FGL2: variants seen among roughly 807,000 people sequenced by gnomAD.
FGL2 encodes fibroleukin.
In FGL2, 21 loss-of-function variants were observed where a neutral mutation model predicts 36.0. That is an observed-to-expected ratio of 0.58 (90% CI 0.41 to 0.84). The LOEUF is 0.84. FGL2 is among the 40% of genes least tolerant of loss of function. FGL2 has a pLI of 0.00. For synonymous variants in FGL2, 183 were observed against 190.7 expected, an observed-to-expected ratio of 0.96 and a Z score of 0.33; for missense variants, 444 against 526.3, an observed-to-expected ratio of 0.84 and a Z score of 1.53.
At position 77,196,574 on chromosome 7, in the gene FGL2, G is replaced by T. The variant is rs764464982; in HGVS notation, c.1025C>A (p.Ala342Glu). ...GTTGTAATGTTTGTTGAAACGTAAT[G>T]CATCTCCAGCTGTGCCATTATAGTT... Reference protein sequence around the residue: ...VGNYNGTAGDALRFNKHYNHD... With the variant: ...VGNYNGTAGDELRFNKHYNHD... Residue 342 changes from alanine (A) to glutamate (E), a missense_variant, in exon 2 of 2, where the codon GCA becomes GAA. By Grantham distance (107) the Ala-to-Glu change is moderately radical. Transcript: ENST00000248598. The surrounding 1 kb of genome is among the most constrained non-coding windows in gnomAD (Gnocchi z 4.2). 2 of 1,614,118 alleles carry T rather than the reference G, an allele frequency of 1.2e-6. No individual in the cohort carries two copies. Among genetic ancestry groups the T allele is most frequent in the South Asian group, 2.2e-5 (2 of 91,084 alleles).
At position 77,194,277 on chromosome 7, in the gene FGL2, A is replaced by T. The variant is rs1260712335; in HGVS notation, c.*2002T>A. ...TGTACATATATTAATTATATATACT[A>T]AATGACAATGACCTTATCTGAAACA... is the stretch of plus-strand genomic sequence containing the variant. On this transcript the variant is annotated 3_prime_UTR_variant, in exon 2 of 2. Coordinates refer to ENST00000248598, the MANE Select transcript of FGL2 (RefSeq NM_006682.3). 1 of 152,090 alleles carries T rather than the reference A, an allele frequency of 6.6e-6. No homozygotes were observed. Among genetic ancestry groups the T allele is most frequent in the Non-Finnish European group, 1.5e-5 (1 of 67,920 alleles). 9.4% of individuals were successfully genotyped at this position (152,090 alleles called of 1,614,324 possible).
At chr7:77,198,124 A>C in intron 1 of FGL2, 1 of 985,164 alleles carries the variant, frequency 1.0e-6, no homozygotes, top group Non-Finnish European at 1.2e-6. Context: ...GATGTCACCT[A>C]AGCGGTGAAC....
intron 1 of FGL2, 81 bp from the exon 2 acceptor site, chr7:77,197,066 C>G (rs1791886972): frequency 1.3e-5 from 11 of 867,586 alleles, no homozygotes; most frequent in Non-Finnish European, 2.0e-5. Flanking sequence ...TGTACAAAAG[C>G]AGTTTGATAA....
chr7:77,198,359 G>C (rs1791914998), intron 1 of FGL2: 3 of 977,368 alleles, frequency 3.1e-6, no homozygotes, highest in Non-Finnish European at 3.6e-6. Flanking sequence ...TCCAAAGTAT[G>C]AGACAGTCAG....
rs902908929 is a variant in FGL2, at chr7:77,194,134, C to A, written c.*2145G>T. On this transcript the variant is annotated 3_prime_UTR_variant, in exon 2 of 2. Transcript: ENST00000248598. Reference sequence around the variant, plus strand: ...TTAATGAATTATTTGCCAAATTCTCCTGAAGTTATACCTAGTTCCCATTAA... The same window carrying A: ...TTAATGAATTATTTGCCAAATTCTCATGAAGTTATACCTAGTTCCCATTAA... 6.6e-6 allele frequency: 1 copy of A among 152,018 alleles called. No homozygotes were observed. Among genetic ancestry groups the A allele is most frequent in the African/African-American group, 2.4e-5 (1 of 41,432 alleles). 9.4% of individuals were successfully genotyped at this position (152,018 alleles called of 1,614,324 possible).
At chr7:77,197,122 T>G (rs1257355065) in intron 1 of FGL2, 137 bp from the exon 2 acceptor site, 1 of 622,712 alleles carries the variant, frequency 1.6e-6, no homozygotes, top group African/African-American at 1.8e-5. Context: ...TACTTGAACC[T>G]GTTTAGCAAA....
At chr7:77,198,315 A>C (rs951674131) in intron 1 of FGL2, 1 of 985,284 alleles carries the variant, frequency 1.0e-6, no homozygotes, top group Non-Finnish European at 1.2e-6. Context: ...CCTCACGTTC[A>C]TGGTAAGTAG....
chr7:77,196,961 C>T lies in FGL2; in HGVS notation c.638G>A (p.Cys213Tyr), dbSNP rs1292216246. ...TTTGCCTATTGCGTAGTAGTCAGAGCAATCTTTATATATTAGATGTTGAAC... is the reference window on the plus strand; with the variant it reads ...TTTGCCTATTGCGTAGTAGTCAGAGTAATCTTTATATATTAGATGTTGAAC... ...RPVQHLIYKDCSDYYAIGKRS... is the reference protein window; with the variant it reads ...RPVQHLIYKDYSDYYAIGKRS... The change falls in exon 2 of 2, where the codon TGC becomes TAC. Residue 213 changes from cysteine to tyrosine, a missense_variant. Transcript: ENST00000248598. This position sits in a 1 kb window ranked among gnomAD's most constrained non-coding sequence, Gnocchi z 4.2. 6.2e-7 allele frequency: 1 copy of T among 1,608,314 alleles called. No individual in the cohort carries two copies. Among genetic ancestry groups the T allele is most frequent in the South Asian group, 1.1e-5 (1 of 90,844 alleles).
rs756621142 is a variant in FGL2, at chr7:77,199,315, T to C, written c.479A>G (p.Lys160Arg). 34 of 1,614,168 alleles carry C rather than the reference T, an allele frequency of 2.1e-5. No homozygotes were observed. In the Middle Eastern group the frequency reaches 4.9e-4, roughly 23 times the overall value. Residue 160 changes from lysine (K) to arginine (R), a missense_variant, in exon 1 of 2, where the codon AAG becomes AGG. Coordinates refer to ENST00000248598, the MANE Select transcript of FGL2 (RefSeq NM_006682.3). ...EINVLHGRLEKLNLVNMNNIE... is the reference protein window; with the variant it reads ...EINVLHGRLERLNLVNMNNIE... Reference sequence around the variant, plus strand: ...GTTGTTCATATTTACAAGATTCAGCTTCTCCAGGCGACCATGAAGTACATT... The same window carrying C: ...GTTGTTCATATTTACAAGATTCAGCCTCTCCAGGCGACCATGAAGTACATT...
rs1314001759 is a variant in FGL2, at chr7:77,193,772, C to G, written c.*2507G>C. 1 of 152,354 alleles carries G rather than the reference C, an allele frequency of 6.6e-6. No individual in the cohort carries two copies. Among genetic ancestry groups the G allele is most frequent in the Admixed American group, 6.6e-5 (1 of 15,260 alleles). The allele number at this position is 152,354 out of a possible 1,614,324, so 9.4% of individuals were successfully genotyped here. On this transcript the variant is annotated 3_prime_UTR_variant, in exon 2 of 2. Coordinates refer to ENST00000248598, the MANE Select transcript of FGL2 (RefSeq NM_006682.3). ...GTTTTAGTCAATATTTTCAAGTAATCATGACCTCAGAAATAGTCTTAATTA... is the reference window on the plus strand; with the variant it reads ...GTTTTAGTCAATATTTTCAAGTAATGATGACCTCAGAAATAGTCTTAATTA...
Position 77,199,163 on chromosome 7 carries a change from A to C in FGL2, c.613+18T>G. 6.3e-7 allele frequency: 1 copy of C among 1,597,536 alleles called. No individual in the cohort carries two copies. The highest frequency in any genetic ancestry group is 8.5e-7 in the Non-Finnish European group (1 of 1,171,180). ...TAACATTTATGAACATATGATAAGA[A>C]AACATTATTATACATACCTGGACGT... On this transcript the variant is annotated intron_variant, in intron 1 of 1. Transcript: ENST00000248598.
chr7:77,199,566 C>T lies in FGL2; in HGVS notation c.228G>A (p.Glu76=). ...IQLPKQFSRI[E]EVFKEVQNLK... ...GGTTTTGGACTTCTTTGAACACCTCCTCGATCCTGCTGAATTGCTTCGGGA... is the reference window on the plus strand; with the variant it reads ...GGTTTTGGACTTCTTTGAACACCTCTTCGATCCTGCTGAATTGCTTCGGGA... The change falls in exon 1 of 2, where the codon GAG becomes GAA. Residue 76 remains glutamate (E), a synonymous_variant. Transcript: ENST00000248598. 1 of 1,614,170 alleles carries T rather than the reference C, an allele frequency of 6.2e-7. No homozygotes were observed. Among genetic ancestry groups the T allele is most frequent in the Non-Finnish European group, 8.5e-7 (1 of 1,180,020 alleles).
chr7:77,199,475 C>T lies in FGL2; in HGVS notation c.319G>A (p.Gly107Arg), dbSNP rs202191037. 4.4e-4 allele frequency: 708 copies of T among 1,614,128 alleles called. 2 individuals carry two copies. Among genetic ancestry groups the T allele is most frequent in the Admixed American group, 4.5e-4 (27 of 60,010 alleles). Reference protein sequence around the residue: ...QDCKLQADDNGDPGRNGLLLP... With the variant: ...QDCKLQADDNRDPGRNGLLLP... The stretch of plus-strand genomic sequence containing the variant: ...AACAGTCCGTTTCTGCCTGGGTCTC[C>T]GTTGTCATCAGCCTGCAGCTTGCAG... Residue 107 changes from glycine to arginine, a missense_variant, in exon 1 of 2, where the codon GGA (glycine) becomes AGA (arginine). Coordinates refer to ENST00000248598, the MANE Select transcript of FGL2 (RefSeq NM_006682.3).
chr7:77,199,433 C>T lies in FGL2; in HGVS notation c.361G>A (p.Ala121Thr), dbSNP rs962390445. 1.4e-5 allele frequency: 23 copies of T among 1,614,192 alleles called. No homozygotes were observed. Among genetic ancestry groups the T allele is most frequent in the Non-Finnish European group, 1.8e-5 (21 of 1,180,036 alleles). ...RNGLLLPSTG[A>T]PGEVGDNRVR... The stretch of plus-strand genomic sequence containing the variant: ...CTGTTATCACCAACCTCTCCCGGGG[C>T]TCCTGTACTGGGTAACAACAGTCCG... Residue 121 changes from alanine (A) to threonine (T), a missense_variant, in exon 1 of 2, where the codon GCC becomes ACC. By Grantham distance (58) the Ala-to-Thr change is moderately conservative. Transcript: ENST00000248598.
In FGL2 at chr7:77,196,938, T is replaced by G. The variant is rs1164958623; in HGVS notation, c.661A>C (p.Lys221Gln). 2 of 1,613,428 alleles carry G rather than the reference T, an allele frequency of 1.2e-6. No homozygotes were observed. The highest frequency in any genetic ancestry group is 1.7e-6 in the Non-Finnish European group (2 of 1,179,840). ...KDCSDYYAIG[K>Q]RSSETYRVTP... ...ACTCTGTAGGTCTCACTGCTTCTTT[T>G]GCCTATTGCGTAGTAGTCAGAGCAA... The change falls in exon 2 of 2, where the codon AAA becomes CAA. Residue 221 changes from lysine (K) to glutamine (Q), a missense_variant. Lys to Gln is a moderately conservative substitution (Grantham distance 53). Coordinates refer to ENST00000248598, the MANE Select transcript of FGL2 (RefSeq NM_006682.3). This position sits in a 1 kb window ranked among gnomAD's most constrained non-coding sequence, Gnocchi z 4.2.
chr7:77,198,362 ACAGT>A (rs754566122), intron 1 of FGL2: 3 of 966,498 alleles, frequency 3.1e-6, no homozygotes, highest in Non-Finnish European at 3.7e-6. Flanking sequence ...AAAGTATGAG[ACAGT>A]CAGCAACAGT....
rs1791852261 is a variant in FGL2 at position 77,195,606 on chromosome 7, T to C, written c.*673A>G. The C allele has an allele frequency of 1.3e-5, 2 of 152,194 alleles. No homozygotes were observed. Among genetic ancestry groups the C allele is most frequent in the African/African-American group, 4.8e-5 (2 of 41,444 alleles). The allele number at this position is 152,194 out of a possible 1,614,324, so 9.4% of individuals were successfully genotyped here. On this transcript the variant is annotated 3_prime_UTR_variant, in exon 2 of 2. Coordinates refer to ENST00000248598, the MANE Select transcript of FGL2 (RefSeq NM_006682.3). ...TGATATACCTTCAGATGTGCTTAAA[T>C]CATGGCCCAAATACAGATTACTTTG...
At position 77,199,553 on chromosome 7, in the gene FGL2, C is replaced by T. The variant is rs1379769681; in HGVS notation, c.241G>A (p.Glu81Lys). 1.2e-6 allele frequency: 2 copies of T among 1,614,138 alleles called. No homozygotes were observed. The highest frequency in any genetic ancestry group is 2.2e-5 in the South Asian group (2 of 91,086). Residue 81 changes from glutamate to lysine, a missense_variant, in exon 1 of 2, where the codon GAA (glutamate) becomes AAA (lysine). Glu to Lys is a moderately conservative substitution (Grantham distance 56). Coordinates refer to ENST00000248598, the MANE Select transcript of FGL2 (RefSeq NM_006682.3). ...QFSRIEEVFK[E>K]VQNLKEIVNS... is the part of the protein sequence containing the mutation. ...ACGATTTCCTTGAGGTTTTGGACTT[C>T]TTTGAACACCTCCTCGATCCTGCTG... is the stretch of plus-strand genomic sequence containing the variant.
In FGL2 at chr7:77,199,273, T is replaced by TGG; in HGVS notation, c.520_521insCC (p.Asp174AlafsTer8). 6.2e-7 allele frequency: 1 copy of TGG among 1,614,096 alleles called. No homozygotes were observed. Among genetic ancestry groups the TGG allele is most frequent in the Non-Finnish European group, 8.5e-7 (1 of 1,179,924 alleles). On this transcript the variant is annotated frameshift_variant, in exon 1 of 2. Coordinates refer to ENST00000248598, the MANE Select transcript of FGL2 (RefSeq NM_006682.3). LOFTEE classifies it high-confidence loss of function. ...AAATGTTAGATTTGCCACTTTGCTG[T>TGG]CAACATAATTTTCTATGTTGTTCAT...
Sources: allele counts gnomAD v4.1 joint callset, GRCh38; gene constraint gnomAD v4.1.1; non-coding constraint Gnocchi (gnomAD v3.1); transcripts MANE v1.5; gene names NCBI Gene and HGNC (gene_info 2026-07-23, HGNC 2026-07-21).